The following IL31RA variants were observed in gnomAD, a reference collection of about 807,000 sequenced individuals.
The protein encoded by IL31RA is interleukin 31 receptor A, also known as interleukin-31 receptor subunit alpha.
Under a neutral mutation model 83.7 loss-of-function variants are expected in IL31RA, and 66 were observed. The observed-to-expected ratio is 0.79, with a 90% confidence interval of 0.65 to 0.97. The LOEUF is 0.97. IL31RA is among the 50% of genes least tolerant of loss of function. IL31RA has a pLI of 0.00. For missense variants in IL31RA, 798 were observed against 919.4 expected (o/e 0.87, Z 1.71); for synonymous variants, 325 against 329.0 (o/e 0.99, Z 0.13).
intron 1 of IL31RA, among the ~76,000 whole-genome samples, chr5:55,857,097 A>AT (rs35485505): frequency 0.59 from 86,709 of 145,860 alleles, 26,647 homozygotes; most frequent in South Asian, 0.73. Flanking sequence ...ACCTTTTTGC[A>AT]TTTTTTTTTT....
Position 55,871,255 on chromosome 5 carries a change from C to T in IL31RA, c.273-1015C>T, listed in dbSNP as rs562248338. Among the ~76,000 whole-genome samples, 7 of 152,342 alleles carry T rather than the reference C, an allele frequency of 4.6e-5. No homozygotes were observed. In the South Asian group the frequency reaches 1.4e-3, roughly 32 times the overall value. On this transcript the variant is annotated intron_variant, in intron 3 of 14. Coordinates refer to ENST00000652347, the MANE Select transcript of IL31RA (RefSeq NM_139017.7). ...CATTGCCCTGGAGGCCATTTTTGTG[C>T]TGTAAAATAACCATCAACCACTCTT...
At chr5:55,911,487 G>C (rs1484653312) in intron 12 of IL31RA, among the ~76,000 whole-genome samples, 1 of 152,044 alleles carries the variant, frequency 6.6e-6, no homozygotes, top group African/African-American at 2.4e-5. Flanking sequence ...CTCATCATTT[G>C]TGGAGGTTTT....
At chr5:55,855,176 ACT>A (rs1052988588) in intron 1 of IL31RA, among the ~76,000 whole-genome samples, 1 of 151,716 alleles carries the variant, frequency 6.6e-6, no homozygotes, top group African/African-American at 2.4e-5. Flanking sequence ...AGACAGTCTC[ACT>A]CTGCTGCCCA....
chr5:55,915,763 T>C lies in IL31RA; in HGVS notation c.1818+835T>C, dbSNP rs145973863. 3.9e-5 allele frequency among the ~76,000 whole-genome samples: 6 copies of C among 152,356 alleles called. No individual in the cohort carries two copies. The East Asian group carries it at 1.2e-3, about 29-fold the overall frequency. ...ACTTTCCTGCTTATTAAATGTCATT[T>C]AGAGAGTAAATGGATTCATAGGCAG... On this transcript the variant is annotated intron_variant, in intron 14 of 14. Transcript: ENST00000652347.
At chr5:55,857,223 C>T (rs1561535736) in intron 1 of IL31RA, among the ~76,000 whole-genome samples, 1 of 152,142 alleles carries the variant, frequency 6.6e-6, no homozygotes, top group Admixed American at 6.5e-5. Flanking sequence ...CTTAGCCTCC[C>T]AAATAGCTGA....
In IL31RA at chr5:55,890,811, G is replaced by C. The variant is rs1322362596; in HGVS notation, c.772+676G>C. 2.6e-5 allele frequency among the ~76,000 whole-genome samples: 4 copies of C among 152,320 alleles called. No individual in the cohort carries two copies. The East Asian group carries it at 7.7e-4, about 29-fold the overall frequency. On this transcript the variant is annotated intron_variant, in intron 6 of 14. Coordinates refer to ENST00000652347, the MANE Select transcript of IL31RA (RefSeq NM_139017.7). Reference sequence around the variant, plus strand: ...TTTTAATGACAGTGAGGAAAGGAAAGAGGCATGGATTGCAGGTTGATGGAG... The same window carrying C: ...TTTTAATGACAGTGAGGAAAGGAAACAGGCATGGATTGCAGGTTGATGGAG...
chr5:55,898,221 C>T (rs1020777319), intron 7 of IL31RA, among the ~76,000 whole-genome samples: 24 of 152,136 alleles, frequency 1.6e-4, no homozygotes, highest in African/African-American at 4.8e-4. Context: ...ATAGCAGTGG[C>T]GAAGGGCCAA....
upstream of IL31RA, chr5:55,851,322 G>A: frequency 1.7e-6 from 1 of 578,546 alleles, no homozygotes. Flanking sequence ...TGCCTGAATA[G>A]AGCTTATTTA....
chr5:55,876,235 G>A (rs1004409795), intron 4 of IL31RA, among the ~76,000 whole-genome samples: 3 of 151,844 alleles, frequency 2.0e-5, no homozygotes, highest in African/African-American at 4.8e-5. Flanking sequence ...GTGAAACCCC[G>A]TCTCTACTAA....
chr5:55,907,846 G>C (rs1401678881), intron 10 of IL31RA, among the ~76,000 whole-genome samples: 1 of 152,188 alleles, frequency 6.6e-6, no homozygotes, highest in African/African-American at 2.4e-5. Flanking sequence ...AATAAGCAAA[G>C]GCTTTACTGG....
chr5:55,895,807 T>C (rs1748297617), intron 6 of IL31RA, among the ~76,000 whole-genome samples: 1 of 152,226 alleles, frequency 6.6e-6, no homozygotes, highest in Non-Finnish European at 1.5e-5. Flanking sequence ...ATGTGATTCT[T>C]TTTTATTTTG....
In IL31RA at chr5:55,907,352, T is replaced by C; in HGVS notation, c.1253-7T>C. On this transcript the variant is annotated splice_region_variant and splice_polypyrimidine_tract_variant and intron_variant, in intron 9 of 14. Coordinates refer to ENST00000652347, the MANE Select transcript of IL31RA (RefSeq NM_139017.7). Reference sequence around the variant, plus strand: ...CACTTACACTTTTTTTTCTTTCTTTTTCACAGATAAATTAAAACCTTTCTG... The same window carrying C: ...CACTTACACTTTTTTTTCTTTCTTTCTCACAGATAAATTAAAACCTTTCTG... 1.3e-6 allele frequency: 2 copies of C among 1,597,816 alleles called. No homozygotes were observed. Among genetic ancestry groups the C allele is most frequent in the African/African-American group, 1.3e-5 (1 of 74,720 alleles).
In IL31RA at chr5:55,907,303, T is replaced by C; in HGVS notation, c.1253-56T>C. On this transcript the variant is annotated intron_variant, in intron 9 of 14. Transcript: ENST00000652347. Reference sequence around the variant, plus strand: ...TTTGGCCATAACTCTTAGTCTAGTATTCCCCCCACTCTGCCGTGCTCTGCA... The same window carrying C: ...TTTGGCCATAACTCTTAGTCTAGTACTCCCCCCACTCTGCCGTGCTCTGCA... The C allele has an allele frequency of 1.9e-5, 19 of 1,005,308 alleles. No individual in the cohort carries two copies. The South Asian group carries it at 2.3e-4, about 12-fold the overall frequency. 62.3% of individuals were successfully genotyped at this position (1,005,308 alleles called of 1,614,324 possible).
At chr5:55,847,454 C>G (rs998639103), upstream of IL31RA, among the ~76,000 whole-genome samples, 1 of 151,816 alleles carries the variant, frequency 6.6e-6, no homozygotes, top group African/African-American at 2.4e-5. Context: ...TGGTGGTGCA[C>G]TCCTGTAATC....
rs185583258 is a variant in IL31RA, at chr5:55,867,409, A to G, written c.155-1382A>G. Among the ~76,000 whole-genome samples, 4 of 152,204 alleles carry G rather than the reference A, an allele frequency of 2.6e-5. No individual in the cohort carries two copies. In the East Asian group the frequency reaches 7.7e-4, roughly 29 times the overall value. On this transcript the variant is annotated intron_variant, in intron 2 of 14. Coordinates refer to ENST00000652347, the MANE Select transcript of IL31RA (RefSeq NM_139017.7). ...TTCTCAAAACAATGTTTGTAAATGC[A>G]CAAATAAAATAAATAGCATTACAAA...
upstream of IL31RA, among the ~76,000 whole-genome samples, chr5:55,848,166 A>G (rs1411703040): frequency 6.6e-6 from 1 of 152,204 alleles, no homozygotes; most frequent in Middle Eastern, 3.2e-3. Flanking sequence ...TGAGTCATCA[A>G]GTCTAGCATA....
intron 1 of IL31RA, chr5:55,853,303 TTTTTGC>T: frequency 2.4e-6 from 3 of 1,225,778 alleles, no homozygotes; most frequent in Middle Eastern, 3.0e-4. Context: ...AGTGTTTTTG[TTTTTGC>T]TTTTGTTTTT....
In IL31RA at chr5:55,921,470, T is replaced by A. The variant is rs1432368276; in HGVS notation, c.*4350T>A. On this transcript the variant is annotated 3_prime_UTR_variant, in exon 15 of 15. Coordinates refer to ENST00000652347, the MANE Select transcript of IL31RA (RefSeq NM_139017.7). ...GTATAGAGTGCAATGCGATAAACAT[T>A]TATCTTTTCTTACCTTTGTCCTGTC... 6.6e-6 allele frequency among the ~76,000 whole-genome samples: 1 copy of A among 152,216 alleles called. No individual in the cohort carries two copies. The highest frequency in any genetic ancestry group is 1.5e-5 in the Non-Finnish European group (1 of 68,032).
chr5:55,846,432 G>A (rs4334839), upstream of IL31RA, among the ~76,000 whole-genome samples: 93,272 of 152,014 alleles, frequency 0.61, 29,586 homozygotes, highest in South Asian at 0.73. Context: ...GGAATGTTAA[G>A]ACCTGGATAA....
Sources: allele counts gnomAD v4.1 joint callset (sites outside exome capture counted in the v4.1 genomes callset), GRCh38; gene constraint gnomAD v4.1.1; transcripts MANE v1.5; gene names NCBI Gene and HGNC (gene_info 2026-07-23, HGNC 2026-07-21).